The following HECTD4 variants were observed in gnomAD, a reference collection of about 807,000 sequenced individuals.
HECTD4 encodes the protein probable E3 ubiquitin-protein ligase HECTD4.
In HECTD4, 114 loss-of-function variants were observed where a neutral mutation model predicts 471.5. The observed-to-expected ratio is 0.24, with a 90% confidence interval of 0.21 to 0.28. The LOEUF (loss-of-function observed/expected upper bound fraction) is 0.28, where lower values mean the gene tolerates loss of function less well. HECTD4 is among the 10% of genes least tolerant of loss of function. The pLI, the probability that HECTD4 is intolerant of heterozygous loss-of-function variation, is 1.00. For missense variants in HECTD4, 3,866 were observed against 5,651.5 expected, an observed-to-expected ratio of 0.68 and a Z score of 10.13; for synonymous variants, 2,012 against 2,256.0, an observed-to-expected ratio of 0.89 and a Z score of 3.07.
At chr12:112,208,767 C>A in intron 50 of HECTD4, 137 bp from the exon 51 acceptor site, 1 of 634,836 alleles carries the variant, frequency 1.6e-6, no homozygotes, top group Non-Finnish European at 2.4e-6. Flanking sequence ...AATGTTAAAT[C>A]ACAGAGTCTA....
intron 61 of HECTD4, 55 bp from the exon 62 acceptor site, chr12:112,183,321 G>A (rs2031743745): frequency 1.5e-6 from 2 of 1,346,828 alleles, no homozygotes; most frequent in African/African-American, 2.9e-5. Flanking sequence ...GTCATTCAGT[G>A]TGAGTGAACT....
intron 1 of HECTD4, among the ~76,000 whole-genome samples, chr12:112,335,202 A>C (rs2035929079): frequency 6.7e-6 from 1 of 149,794 alleles, no homozygotes; most frequent in Admixed American, 6.8e-5. Flanking sequence ...CTCAGCCATA[A>C]AAAGGAATGA....
In HECTD4 at chr12:112,160,676, G is replaced by C. The variant is rs1287665044; in HGVS notation, c.*1711C>G. On this transcript the variant is annotated 3_prime_UTR_variant, in exon 76 of 76. Coordinates refer to ENST00000682272, the MANE Select transcript of HECTD4 (RefSeq NM_001388303.1). ...AGAACCAAGAATTTAAAGATGTAGG[G>C]AGGAAAAACCACTTCTAATAAATCG... 1 of 152,142 alleles carries C rather than the reference G, an allele frequency of 6.6e-6. No individual in the cohort carries two copies. The highest frequency in any genetic ancestry group is 1.5e-5 in the Non-Finnish European group (1 of 68,036). 9.4% of individuals were successfully genotyped at this position (152,142 alleles called of 1,614,324 possible).
At chr12:112,368,582 T>C (rs945498142) in intron 1 of HECTD4, among the ~76,000 whole-genome samples, 1 of 152,186 alleles carries the variant, frequency 6.6e-6, no homozygotes, top group African/African-American at 2.4e-5. Flanking sequence ...AAAAATTATA[T>C]CTTTAAATCT....
In HECTD4 at chr12:112,369,020, C is replaced by T. The variant is rs114934551; in HGVS notation, c.177+12932G>A. The stretch of plus-strand genomic sequence containing the variant: ...CTTCTCTTCCCGGTATGTGCAGCTC[C>T]CTCGCTCTCCTGGTCTCTGGCACTA... On this transcript the variant is annotated intron_variant, in intron 1 of 75. Transcript: ENST00000682272. Among the ~76,000 whole-genome samples, 1,225 of 152,280 alleles carry T rather than the reference C, an allele frequency of 8.0e-3. 15 individuals carry two copies. The highest frequency in any genetic ancestry group is 0.028 in the African/African-American group (1,176 of 41,550).
At position 112,175,736 on chromosome 12, in the gene HECTD4, C is replaced by T; in HGVS notation, c.11594G>A (p.Arg3865Lys). The change falls in exon 66 of 76, where the codon AGG becomes AAG. Residue 3865 changes from arginine to lysine, a missense_variant and splice_region_variant. Transcript: ENST00000682272. Reference protein sequence around the residue: ...LSCGYDLHFERCACIDVRHAQ... With the variant: ...LSCGYDLHFEKCACIDVRHAQ... ...CTGAGTCGAGGGGTAACCCTCTTAC[C>T]TCTCAAAGTGAAGATCGTAACCACA... 1 of 1,611,940 alleles carries T rather than the reference C, an allele frequency of 6.2e-7. No homozygotes were observed. The highest frequency in any genetic ancestry group is 8.5e-7 in the Non-Finnish European group (1 of 1,178,988).
intron 62 of HECTD4, 103 bp downstream of exon 62, chr12:112,182,956 G>A (rs956849222): frequency 6.4e-6 from 5 of 776,496 alleles, no homozygotes; most frequent in African/African-American, 5.2e-5. Context: ...GTTAAAAATA[G>A]GGGATACTGG....
chr12:112,338,798 AGCAG>A (rs889901956), intron 1 of HECTD4, among the ~76,000 whole-genome samples: 39 of 152,186 alleles, frequency 2.6e-4, no homozygotes, highest in African/African-American at 9.4e-4. Context: ...GTGAAGCAGG[AGCAG>A]GCATCTCTCA....
chr12:112,192,667 C>G lies in HECTD4; in HGVS notation c.9185G>C (p.Cys3062Ser). ...GGCTGGGGACGCGTCCCGCGGGTAA[C>G]AGGCGGCCTCGATGAGGTTCAGCTG... is the stretch of plus-strand genomic sequence containing the variant. Reference protein sequence around the residue: ...NGQLNLIEAACYPRDASPANT... With the variant: ...NGQLNLIEAASYPRDASPANT... The change falls in exon 59 of 76, where the codon TGT (cysteine) becomes TCT (serine). Residue 3062 changes from cysteine to serine, a missense_variant. Coordinates refer to ENST00000682272, the MANE Select transcript of HECTD4 (RefSeq NM_001388303.1). The G allele has an allele frequency of 6.2e-7, 1 of 1,605,388 alleles. No individual in the cohort carries two copies. Among genetic ancestry groups the G allele is most frequent in the Non-Finnish European group, 8.5e-7 (1 of 1,176,386 alleles).
Position 112,208,633 on chromosome 12 carries a change from G to T in HECTD4, c.7868-3C>A. Reference sequence around the variant, plus strand: ...ACAGGAGGTGTCACTATCATATTCTGTAACAGAGCACAAGGACAGCGAATT... The same window carrying T: ...ACAGGAGGTGTCACTATCATATTCTTTAACAGAGCACAAGGACAGCGAATT... On this transcript the variant is annotated splice_polypyrimidine_tract_variant and splice_region_variant and intron_variant, in intron 50 of 75. Transcript: ENST00000682272. 6.4e-7 allele frequency: 1 copy of T among 1,565,310 alleles called. No homozygotes were observed. Among genetic ancestry groups the T allele is most frequent in the Non-Finnish European group, 8.6e-7 (1 of 1,159,152 alleles).
At chr12:112,364,398 C>T (rs1180264720) in intron 1 of HECTD4, among the ~76,000 whole-genome samples, 2 of 146,604 alleles carry the variant, frequency 1.4e-5, no homozygotes, top group Non-Finnish European at 3.0e-5. Context: ...CAGAGCAAGA[C>T]TCTCTCTCTC....
At position 112,382,033 on chromosome 12, in the gene HECTD4, G is replaced by T; in HGVS notation, c.96C>A (p.Asp32Glu). Residue 32 changes from aspartate to glutamate, a missense_variant, in exon 1 of 76, where the codon GAC (aspartate) becomes GAA (glutamate). Physicochemically the swap from Asp to Glu is conservative, Grantham distance 45. Around this residue, in one of 16 missense-constraint regions of HECTD4, gnomAD observed 440 missense variants for 636.0 expected, o/e 0.69. Transcript: ENST00000682272. ...CCAGGTCGGTGACCCGGATCAGCCC[G>T]TCGTGCAGGAAGATGGTCTCTTCCT... is the stretch of plus-strand genomic sequence containing the variant. ...SVKEETIFLHDGLIRVTDLAE... is the reference protein window; with the variant it reads ...SVKEETIFLHEGLIRVTDLAE... 1 of 1,224,510 alleles carries T rather than the reference G, an allele frequency of 8.2e-7. No homozygotes were observed. The highest frequency in any genetic ancestry group is 1.0e-6 in the Non-Finnish European group (1 of 983,274). 75.9% of individuals were successfully genotyped at this position (1,224,510 alleles called of 1,614,324 possible).
chr12:112,172,958 A>G (rs2031289616), intron 66 of HECTD4, 97 bp from the exon 67 acceptor site: 3 of 1,074,076 alleles, frequency 2.8e-6, no homozygotes, highest in East Asian at 4.8e-5. Flanking sequence ...CAGCTCCTGG[A>G]GCACATTCAG....
chr12:112,256,209 T>C (rs1593981542), intron 21 of HECTD4, 111 bp downstream of exon 21: 5 of 767,192 alleles, frequency 6.5e-6, no homozygotes, highest in African/African-American at 3.5e-5. Context: ...CTTAGAGATA[T>C]CTGCAGACAG....
chr12:112,242,770 G>T (rs1223156027), intron 32 of HECTD4, among the ~76,000 whole-genome samples: 1 of 152,114 alleles, frequency 6.6e-6, no homozygotes, highest in Non-Finnish European at 1.5e-5. Context: ...AATTAGCCAG[G>T]TGTGGTGGCA....
intron 7 of HECTD4, among the ~76,000 whole-genome samples, chr12:112,304,423 C>A (rs2035233337): frequency 1.3e-5 from 2 of 151,930 alleles, no homozygotes; most frequent in Admixed American, 1.3e-4. Flanking sequence ...CAACACCCAG[C>A]TAATTTTTGT....
Position 112,243,886 on chromosome 12 carries a change from C to T in HECTD4, c.4637G>A (p.Arg1546Lys), listed in dbSNP as rs748817181. 6.2e-7 allele frequency: 1 copy of T among 1,614,012 alleles called. No homozygotes were observed. The highest frequency in any genetic ancestry group is 8.5e-7 in the Non-Finnish European group (1 of 1,179,896). The change falls in exon 30 of 76, where the codon AGA becomes AAA. Residue 1546 changes from arginine (R) to lysine (K), a missense_variant. Arg to Lys is a conservative substitution (Grantham distance 26, BLOSUM62 2). Transcript: ENST00000682272. The surrounding 1 kb of genome is among the most constrained non-coding windows in gnomAD (Gnocchi z 6.6). ...MIGNEDLEFT[R>K]ANQRRRHVTS... ...ATTAGCCATTTACCTCTGATTTGCT[C>T]TAGTAAATTCCAAATCTTCATTACC...
At chr12:112,256,733 T>A (rs2034018691) in intron 20 of HECTD4, 1 of 363,688 alleles carries the variant, frequency 2.7e-6, no homozygotes, top group Admixed American at 4.6e-5. Context: ...TTGCTTTTTT[T>A]TTTCTTTTTT....
rs1312401019 is a variant in HECTD4 at position 112,270,419 on chromosome 12, C to A, written c.1983G>T (p.Leu661Phe). 6.2e-7 allele frequency: 1 copy of A among 1,613,940 alleles called. No individual in the cohort carries two copies. The highest frequency in any genetic ancestry group is 1.7e-5 in the Admixed American group (1 of 60,016). ...GTATGCACATCGCACCAACGTGGTG[C>A]AATAATTGGTTTATAACCTCATTCG... Reference protein sequence around the residue: ...ITTNEVINQLLHHVGAMCIHQ... With the variant: ...ITTNEVINQLFHHVGAMCIHQ... The change falls in exon 12 of 76, where the codon TTG (leucine) becomes TTT (phenylalanine). Residue 661 changes from leucine to phenylalanine, a missense_variant. Coordinates refer to ENST00000682272, the MANE Select transcript of HECTD4 (RefSeq NM_001388303.1).
Sources: gnomAD v4.1 joint callset for allele counts (sites outside exome capture counted in the v4.1 genomes callset) on GRCh38, gnomAD v4.1.1 for gene constraint, gnomAD v4.1.1 regional missense constraint, Gnocchi (gnomAD v3.1) non-coding constraint, MANE v1.5 for transcripts, NCBI Gene and HGNC (gene_info 2026-07-23, HGNC 2026-07-21) for gene names.